The following SOX5 variants were observed in gnomAD, a reference collection of about 807,000 sequenced individuals.
SOX5 encodes transcription factor SOX-5.
A neutral mutation model predicts 92.0 loss-of-function variants in SOX5; 9 were observed. That is an observed-to-expected ratio of 0.10 (90% CI 0.06 to 0.17). The LOEUF is 0.17. Ranked by LOEUF, SOX5 falls within the 10% of genes least tolerant of loss-of-function variation. The pLI, the probability that SOX5 is intolerant of heterozygous loss-of-function variation, is 1.00. For synonymous variants in SOX5, 344 were observed against 336.3 expected (o/e 1.02, Z -0.25); for missense variants, 642 against 944.5 (o/e 0.68, Z 4.20).
chr12:24,194,712 G>A (rs965617045), intron 4 of SOX5, among the ~76,000 whole-genome samples: 2 of 151,948 alleles, frequency 1.3e-5, no homozygotes, highest in African/African-American at 2.4e-5. Flanking sequence ...AAATAGAGCT[G>A]GCATTCAGGA....
At chr12:24,003,682 T>C (rs897657911) in intron 4 of SOX5, among the ~76,000 whole-genome samples, 1 of 151,564 alleles carries the variant, frequency 6.6e-6, no homozygotes, top group Non-Finnish European at 1.5e-5. Flanking sequence ...TCCATGTTCA[T>C]AGACTGTAAA....
At chr12:23,537,933 G>A (rs1223619913) in intron 13 of SOX5, among the ~76,000 whole-genome samples, 1 of 125,690 alleles carries the variant, frequency 8.0e-6, no homozygotes, top group African/African-American at 2.9e-5. Flanking sequence ...GCAGCCCTCA[G>A]TAGTAATAGC....
At chr12:24,280,251 C>T (rs940080531) in intron 2 of SOX5, among the ~76,000 whole-genome samples, 6 of 152,056 alleles carry the variant, frequency 3.9e-5, no homozygotes, top group African/African-American at 1.4e-4. Flanking sequence ...AAGTGCAGCA[C>T]GAGGGAAAGA....
intron 4 of SOX5, among the ~76,000 whole-genome samples, chr12:24,167,870 G>A (rs1016549317): frequency 6.6e-6 from 1 of 152,164 alleles, no homozygotes; most frequent in Non-Finnish European, 1.5e-5. Flanking sequence ...GGGCAAGGTG[G>A]GGCTGAGAGA....
intron 1 of SOX5, among the ~76,000 whole-genome samples, chr12:24,521,178 C>G (rs1950231229): frequency 1.3e-5 from 2 of 152,146 alleles, no homozygotes; most frequent in Non-Finnish European, 1.5e-5. Flanking sequence ...CCTCAGCCTC[C>G]CAAGTAGCTG....
intron 6 of SOX5, among the ~76,000 whole-genome samples, chr12:23,717,065 G>A (rs1459946155): frequency 6.6e-6 from 1 of 152,102 alleles, no homozygotes; most frequent in Non-Finnish European, 1.5e-5. Flanking sequence ...AAGATTTGAG[G>A]TAGCTACCAT....
intron 6 of SOX5, among the ~76,000 whole-genome samples, chr12:23,667,091 G>A (rs1277550073): frequency 6.6e-6 from 1 of 152,018 alleles, no homozygotes; most frequent in Non-Finnish European, 1.5e-5. Context: ...GGGAGGAGAG[G>A]GAGGGTGAAA....
chr12:24,320,872 AATAATAATAAT>A (rs1565899492), intron 2 of SOX5, among the ~76,000 whole-genome samples: 2 of 97,138 alleles, frequency 2.1e-5, no homozygotes, highest in African/African-American at 7.3e-5. Flanking sequence ...CTCAAAAAAA[AATAATAATAAT>A]AATAATAATA....
At chr12:24,032,445 T>G (rs1955606355) in intron 4 of SOX5, among the ~76,000 whole-genome samples, 1 of 151,934 alleles carries the variant, frequency 6.6e-6, no homozygotes, top group South Asian at 2.1e-4. Flanking sequence ...ATAATATAAT[T>G]GCTATACTAA....
At chr12:23,798,724 C>T (rs1357218342) in intron 3 of SOX5, among the ~76,000 whole-genome samples, 2 of 151,276 alleles carry the variant, frequency 1.3e-5, no homozygotes, top group East Asian at 3.9e-4. Flanking sequence ...ACTCTCAGGA[C>T]ATAACAAAAC....
intron 1 of SOX5, among the ~76,000 whole-genome samples, chr12:24,389,211 GT>G (rs927676833): frequency 6.6e-6 from 1 of 151,958 alleles, no homozygotes; most frequent in Non-Finnish European, 1.5e-5. Context: ...GCGGTGTTTG[GT>G]TTTTTGTTCT....
At chr12:23,766,221 C>T (rs1567591144) in intron 3 of SOX5, among the ~76,000 whole-genome samples, 1 of 152,104 alleles carries the variant, frequency 6.6e-6, no homozygotes, top group Non-Finnish European at 1.5e-5. Flanking sequence ...AAAACGGGAG[C>T]AGTTTCTCAT....
intron 6 of SOX5, among the ~76,000 whole-genome samples, chr12:23,733,684 A>G (rs544222054): frequency 6.6e-6 from 1 of 152,208 alleles, no homozygotes; most frequent in African/African-American, 2.4e-5. Context: ...AAGTTAAAAC[A>G]TGATTAATAC....
At chr12:24,384,298 G>C (rs1187732374) in intron 1 of SOX5, among the ~76,000 whole-genome samples, 1 of 152,178 alleles carries the variant, frequency 6.6e-6, no homozygotes, top group African/African-American at 2.4e-5. Flanking sequence ...TGGCTGCTCT[G>C]ATAGGAGGCG....
intron 1 of SOX5, among the ~76,000 whole-genome samples, chr12:24,554,980 A>G (rs1056144021): frequency 3.3e-5 from 5 of 152,200 alleles, no homozygotes; most frequent in African/African-American, 1.2e-4. Context: ...AAGAAAAGAG[A>G]CTTTCTATTA....
At chr12:23,889,274 A>G (rs1007702523) in intron 2 of SOX5, among the ~76,000 whole-genome samples, 6 of 152,238 alleles carry the variant, frequency 3.9e-5, no homozygotes, top group African/African-American at 1.4e-4. Flanking sequence ...CAGAAATTTT[A>G]AAGCTTATAA....
chr12:24,549,863 T>C (rs1952982111), intron 1 of SOX5, among the ~76,000 whole-genome samples: 1 of 152,098 alleles, frequency 6.6e-6, no homozygotes, highest in Admixed American at 6.5e-5. Context: ...ATTGGCCTGA[T>C]AGTGGTAAAT....
Position 24,499,823 on chromosome 12 carries a change from G to T in SOX5, c.-251+62506C>A, listed in dbSNP as rs977884189. Among the ~76,000 whole-genome samples, 7 of 150,938 alleles carry T rather than the reference G, an allele frequency of 4.6e-5. No individual in the cohort carries two copies. The South Asian group carries it at 1.3e-3, about 27-fold the overall frequency. ...GGAAGAGAAGAACTATGAACTTAGTGCTGTTAACTATTGGAACAGAAAGTA... is the reference window on the plus strand; with the variant it reads ...GGAAGAGAAGAACTATGAACTTAGTTCTGTTAACTATTGGAACAGAAAGTA... On this transcript the variant is annotated intron_variant, in intron 1 of 4. Transcript: ENST00000446891.
chr12:24,270,068 T>TC (rs753559881), intron 3 of SOX5, among the ~76,000 whole-genome samples: 1 of 151,800 alleles, frequency 6.6e-6, no homozygotes, highest in Non-Finnish European at 1.5e-5. Flanking sequence ...GGGAAACTCT[T>TC]TTTCTTTTTT....
Sources: allele counts gnomAD v4.1 joint callset (sites outside exome capture counted in the v4.1 genomes callset), GRCh38; gene constraint gnomAD v4.1.1; transcripts MANE v1.5; gene names NCBI Gene and HGNC (gene_info 2026-07-23, HGNC 2026-07-21).